Variants in MRAP observed in about 807,000 individuals in gnomAD.
MRAP encodes the protein melanocortin-2 receptor accessory protein.
Under a neutral mutation model 8.7 loss-of-function variants are expected in MRAP, and 8 were observed. The observed-to-expected ratio is 0.92, with a 90% CI of 0.54 to 1.66. MRAP has a LOEUF of 1.66. Ranked by LOEUF, MRAP falls within the 40% of genes most tolerant of loss-of-function variation. The pLI, the probability that MRAP is intolerant of heterozygous loss-of-function variation, is 0.00. For missense variants in MRAP, 237 were observed against 217.1 expected (o/e 1.09, Z -0.58); for synonymous variants, 95 against 95.5 (o/e 1.00, Z 0.03).
intron 1 of MRAP, among the ~76,000 whole-genome samples, chr21:32,302,153 T>C (rs1467248276): frequency 6.6e-6 from 1 of 152,128 alleles, no homozygotes; most frequent in East Asian, 1.9e-4. Context: ...CTAGCAAACA[T>C]CTGTGGTGAT....
chr21:32,302,173 A>G (rs772993772), intron 1 of MRAP, among the ~76,000 whole-genome samples: 4 of 152,232 alleles, frequency 2.6e-5, no homozygotes, highest in Non-Finnish European at 4.4e-5. Flanking sequence ...TAAATTGTGT[A>G]TATCTTTTGA....
chr21:32,298,045 C>T (rs1158040193), upstream of MRAP, among the ~76,000 whole-genome samples: 1 of 152,168 alleles, frequency 6.6e-6, no homozygotes, highest in Non-Finnish European at 1.5e-5. Flanking sequence ...TGTGTTTTGG[C>T]CTCCTAATTC....
intron 1 of MRAP, chr21:32,306,434 T>C: frequency 3.2e-6 from 2 of 628,692 alleles, no homozygotes; most frequent in East Asian, 2.9e-5. Context: ...CCAGCTGCCC[T>C]GAGGAAAAAG....
rs1217032689 is a variant in MRAP, at chr21:32,299,021, AC to A, written c.52del (p.Leu18TrpfsTer14). The A allele has an allele frequency of 6.2e-7, 1 of 1,614,066 alleles. No homozygotes were observed. The highest frequency in any genetic ancestry group is 1.3e-5 in the African/African-American group (1 of 74,928). On this transcript the variant is annotated frameshift_variant, in exon 1 of 3. Transcript: ENST00000303645. LOFTEE classifies it high-confidence loss of function. Reference sequence around the variant, plus strand: ...GCCCCATACTACAGCTATGAATACTACCTGGACTATCTGGACCTCATTCCCG... The same window carrying A: ...GCCCCATACTACAGCTATGAATACTACTGGACTATCTGGACCTCATTCCCG... ...ASAPYYSYEY[Y>X]LDYLDLIPVD... is the part of the protein sequence containing the mutation.
At chr21:32,309,831 T>C (rs1031526550) in intron 2 of MRAP, among the ~76,000 whole-genome samples, 3 of 151,600 alleles carry the variant, frequency 2.0e-5, no homozygotes, top group Non-Finnish European at 4.4e-5. Context: ...TAATCCCAGC[T>C]ACTCGGGAGG....
intron 2 of MRAP, among the ~76,000 whole-genome samples, chr21:32,310,389 A>G (rs1485380428): frequency 6.6e-6 from 1 of 152,154 alleles, no homozygotes; most frequent in Non-Finnish European, 1.5e-5. Context: ...GGCGAGTGCC[A>G]TCTGAAAGCA....
chr21:32,297,192 T>A (rs1157814061), upstream of MRAP, among the ~76,000 whole-genome samples: 1 of 152,154 alleles, frequency 6.6e-6, no homozygotes, highest in African/African-American at 2.4e-5. Flanking sequence ...ATAAGCCACT[T>A]TCAACTCTAC....
upstream of MRAP, among the ~76,000 whole-genome samples, chr21:32,294,408 C>A (rs2032103655): frequency 1.3e-5 from 2 of 152,194 alleles, no homozygotes; most frequent in Admixed American, 1.3e-4. Flanking sequence ...AGCCGCCGCA[C>A]CCGGACAGGT....
At chr21:32,295,433 T>A (rs34044722), upstream of MRAP, among the ~76,000 whole-genome samples, 8,253 of 152,278 alleles carry the variant, frequency 0.054, 323 homozygotes, top group Middle Eastern at 0.1. Context: ...ATCAGGAAGC[T>A]GATGACCAGT....
chr21:32,310,889 C>CCTGCCT (rs2032547024), intron 2 of MRAP: 1 of 152,262 alleles, frequency 6.6e-6, no homozygotes, highest in African/African-American at 2.4e-5. Flanking sequence ...TCATGATCCA[C>CCTGCCT]CTGCCTCTGC....
chr21:32,312,468 G>T, downstream of MRAP: 1 of 356,112 alleles, frequency 2.8e-6, no homozygotes, highest in Non-Finnish European at 4.5e-6. Context: ...TGCCAGGTCA[G>T]CTCACTGCAG....
At position 32,298,923 on chromosome 21, in the gene MRAP, C is replaced by T. The variant is rs1030262217; in HGVS notation, c.-49C>T. Reference sequence around the variant, plus strand: ...CTCCTCCCAGGGGCTTGGCGCCTGGCTCGAGGCGAGGCTGCCGGCCCGGAC... The same window carrying T: ...CTCCTCCCAGGGGCTTGGCGCCTGGTTCGAGGCGAGGCTGCCGGCCCGGAC... On this transcript the variant is annotated 5_prime_UTR_variant, in exon 1 of 3. Coordinates refer to ENST00000303645, the MANE Select transcript of MRAP (RefSeq NM_001379228.1). 1.4e-6 allele frequency: 2 copies of T among 1,403,640 alleles called. No individual in the cohort carries two copies. The highest frequency in any genetic ancestry group is 2.8e-5 in the African/African-American group (2 of 70,728). The allele number at this position is 1,403,640 out of a possible 1,614,324, so 86.9% of individuals were successfully genotyped here.
In MRAP at chr21:32,304,965, G is replaced by T. The variant is rs867232772; in HGVS notation, c.107-1675G>T. Among the ~76,000 whole-genome samples the T allele has an allele frequency of 3.1e-3, 245 of 78,096 alleles. 1 individual carries two copies. Among genetic ancestry groups the T allele is most frequent in the Middle Eastern group, 0.016 (2 of 126 alleles). 51.2% of individuals were successfully genotyped at this position (78,096 alleles called of 152,430 possible). A position where few individuals can be genotyped will look rare whatever the true frequency, so the allele number is the denominator to read the frequency against. ...TTGAGGGGGATTTGTTTTTTTTGTT[G>T]TTTTTTTTTTTTTTTTTTTTTTTTT... On this transcript the variant is annotated intron_variant, in intron 1 of 2. Transcript: ENST00000303645.
Position 32,306,650 on chromosome 21 carries a change from G to C in MRAP, c.117G>C (p.Val39=). ...CTCCTCCTCCCGCAGATTCCATCGTGATCGCATTCTGGGTGAGCCTGGCTG... is the reference window on the plus strand; with the variant it reads ...CTCCTCCTCCCGCAGATTCCATCGTCATCGCATTCTGGGTGAGCCTGGCTG... ...KKLKAHKHSI[V]IAFWVSLAAF... is the part of the protein sequence containing the mutation. Residue 39 remains valine (V), a synonymous_variant, in exon 2 of 3, where the codon GTG becomes GTC. Transcript: ENST00000303645. 6.2e-7 allele frequency: 1 copy of C among 1,614,116 alleles called. No individual in the cohort carries two copies. The highest frequency in any genetic ancestry group is 8.5e-7 in the Non-Finnish European group (1 of 1,179,992).
chr21:32,292,148 T>G (rs1426860684), intron 1 of MRAP, among the ~76,000 whole-genome samples: 3 of 149,306 alleles, frequency 2.0e-5, no homozygotes, highest in Non-Finnish European at 4.5e-5. Context: ...TGGTTTTGTT[T>G]AAAAAAAAAA....
At position 32,309,035 on chromosome 21, in the gene MRAP, T is replaced by C. The variant is rs537074269; in HGVS notation, c.206+2296T>C. Among the ~76,000 whole-genome samples, 41 of 152,308 alleles carry C rather than the reference T, an allele frequency of 2.7e-4. No individual in the cohort carries two copies. In the South Asian group the frequency reaches 7.9e-3, roughly 29 times the overall value. On this transcript the variant is annotated intron_variant, in intron 2 of 2. Transcript: ENST00000303645. Reference sequence around the variant, plus strand: ...ATTGGCACAGCGTCTTAGTGTTTTCTGTTGCTGTAACAGAATACCTGAGGC... The same window carrying C: ...ATTGGCACAGCGTCTTAGTGTTTTCCGTTGCTGTAACAGAATACCTGAGGC...
chr21:32,297,531 G>C (rs1466767254), upstream of MRAP, among the ~76,000 whole-genome samples: 1 of 152,156 alleles, frequency 6.6e-6, no homozygotes, highest in Non-Finnish European at 1.5e-5. Context: ...TGCCCCATGT[G>C]TCTCTTCCAC....
intron 1 of MRAP, among the ~76,000 whole-genome samples, chr21:32,303,320 G>A (rs78829251): frequency 1.3e-5 from 2 of 152,212 alleles, no homozygotes; most frequent in African/African-American, 4.8e-5. Context: ...GAACCCAAAC[G>A]TTAGTAGAAT....
intron 1 of MRAP, 135 bp from the exon 2 acceptor site, chr21:32,306,505 G>A (rs181748288): frequency 5.9e-5 from 43 of 726,942 alleles, no homozygotes; most frequent in African/African-American, 4.8e-4. Flanking sequence ...CTTCCCCATG[G>A]TAACAGCTGA....
Sources: allele counts gnomAD v4.1 joint callset (sites outside exome capture counted in the v4.1 genomes callset), GRCh38; gene constraint gnomAD v4.1.1; transcripts MANE v1.5; gene names NCBI Gene and HGNC (gene_info 2026-07-23, HGNC 2026-07-21).